Variants in MON2 observed in about 807,000 individuals in gnomAD.
The protein encoded by MON2 is MON2 regulator of endosome-to-Golgi trafficking.
MON2 carries 84 observed loss-of-function variants against 208.6 expected under a neutral mutation model. The ratio of observed to expected loss-of-function variants is 0.40; its 90% CI spans 0.34 to 0.48. MON2 has a LOEUF of 0.48. MON2 is among the 20% of genes least tolerant of loss of function. The pLI is 0.59. For missense variants in MON2, 1,611 were observed against 2,015.4 expected (o/e 0.80, Z 3.84); for synonymous variants, 660 against 694.0 (o/e 0.95, Z 0.77).
Position 62,535,555 on chromosome 12 carries a change from A to G in MON2, c.1746A>G (p.Leu582=). 2 of 1,609,588 alleles carry G rather than the reference A, an allele frequency of 1.2e-6. No individual in the cohort carries two copies. The highest frequency in any genetic ancestry group is 3.3e-4 in the Middle Eastern group (2 of 6,040). The change falls in exon 14 of 35, where the codon TTA becomes TTG. Residue 582 remains leucine, a synonymous_variant. Transcript: ENST00000393630. ...STDEAATENI[L]KAELTMAALC... ...ATGAAGCTGCCACTGAGAATATTTT[A>G]AAAGCTGAACTGACTATGGCTGCTC...
intron 1 of MON2, among the ~76,000 whole-genome samples, chr12:62,471,404 G>C (rs1326008066): frequency 6.6e-6 from 1 of 152,010 alleles, no homozygotes; most frequent in Non-Finnish European, 1.5e-5. Context: ...GCCTAGTCTC[G>C]AACTCCTGAC....
chr12:62,542,389 G>A (rs1030611203), intron 19 of MON2, among the ~76,000 whole-genome samples: 6 of 152,086 alleles, frequency 3.9e-5, no homozygotes, highest in African/African-American at 1.4e-4. Context: ...CTAAGACAAT[G>A]TCTCTGTTTG....
chr12:62,532,494 C>G lies in MON2; in HGVS notation c.1457C>G (p.Ser486Cys). The G allele has an allele frequency of 1.2e-6, 2 of 1,614,160 alleles. No individual in the cohort carries two copies. The highest frequency in any genetic ancestry group is 1.7e-6 in the Non-Finnish European group (2 of 1,180,002). The change falls in exon 12 of 35, where the codon TCT (serine) becomes TGT (cysteine). Residue 486 changes from serine to cysteine, a missense_variant. By Grantham distance (112) the Ser-to-Cys change is moderately radical (BLOSUM62 -1). Transcript: ENST00000393630. ...ACTATACCTGAAGGTTACGCCATGT[C>G]TGTGGCATTCCATTGTTTGCTAGAC... Reference protein sequence around the residue: ...PPTIPEGYAMSVAFHCLLDLV... With the variant: ...PPTIPEGYAMCVAFHCLLDLV...
In MON2 at chr12:62,532,469, A is replaced by C; in HGVS notation, c.1432A>C (p.Thr478Pro). Reference sequence around the variant, plus strand: ...AATGTTGGACAAAGTTGAGCCTCCAACTATACCTGAAGGTTACGCCATGTC... The same window carrying C: ...AATGTTGGACAAAGTTGAGCCTCCACCTATACCTGAAGGTTACGCCATGTC... ...LEMLDKVEPP[T>P]IPEGYAMSVA... Residue 478 changes from threonine to proline, a missense_variant, in exon 12 of 35, where the codon ACT becomes CCT. By Grantham distance (38) the Thr-to-Pro change is conservative (BLOSUM62 -1). Coordinates refer to ENST00000393630, the MANE Select transcript of MON2 (RefSeq NM_015026.3). 1 of 1,614,102 alleles carries C rather than the reference A, an allele frequency of 6.2e-7. No individual in the cohort carries two copies. The highest frequency in any genetic ancestry group is 1.1e-5 in the South Asian group (1 of 91,082).
chr12:62,528,271 G>A (rs2072442325), intron 11 of MON2, among the ~76,000 whole-genome samples: 1 of 152,150 alleles, frequency 6.6e-6, no homozygotes, highest in African/African-American at 2.4e-5. Context: ...GAAGGCATAT[G>A]TATACATCTT....
intron 8 of MON2, among the ~76,000 whole-genome samples, chr12:62,516,966 A>G (rs995940682): frequency 6.6e-6 from 1 of 152,224 alleles, no homozygotes; most frequent in Non-Finnish European, 1.5e-5. Flanking sequence ...TGGAAAGTCA[A>G]CAGGATAGGA....
At position 62,525,183 on chromosome 12, in the gene MON2, C is replaced by G. The variant is rs781126846; in HGVS notation, c.1209C>G (p.Val403=). The stretch of plus-strand genomic sequence containing the variant: ...CTTTTATACAGTCCTTGTTTCTTGT[C>G]CCCCCTACTGGAAATCCTGCAACAA... ...LGSFIQSLFL[V]PPTGNPATSN... is the part of the protein sequence containing the mutation. The change falls in exon 10 of 35, where the codon GTC becomes GTG. Residue 403 remains valine, a synonymous_variant. Transcript: ENST00000393630. The G allele has an allele frequency of 1.2e-6, 2 of 1,613,058 alleles. No individual in the cohort carries two copies. The highest frequency in any genetic ancestry group is 4.5e-5 in the East Asian group (2 of 44,820).
At chr12:62,589,604 T>C (rs1425759532) in intron 34 of MON2, among the ~76,000 whole-genome samples, 2 of 152,046 alleles carry the variant, frequency 1.3e-5, no homozygotes, top group Non-Finnish European at 2.9e-5. Context: ...AGTTCAGATT[T>C]GGGTTTTCTT....
chr12:62,497,095 G>C (rs937552131), intron 4 of MON2, among the ~76,000 whole-genome samples: 1 of 139,222 alleles, frequency 7.2e-6, no homozygotes, highest in Non-Finnish European at 1.5e-5. Context: ...CTCATAGGTG[G>C]GAATTGAACA....
chr12:62,534,584 A>ATATATTTTAT (rs2072875645), intron 12 of MON2, among the ~76,000 whole-genome samples: 3 of 134,190 alleles, frequency 2.2e-5, no homozygotes, highest in East Asian at 2.1e-4. Context: ...ATATATATAT[A>ATATATTTTAT]AAATTTAACG....
chr12:62,536,628 A>AAAATTACTT (rs1419804842), intron 14 of MON2, among the ~76,000 whole-genome samples: 6 of 152,122 alleles, frequency 3.9e-5, no homozygotes, highest in Non-Finnish European at 7.4e-5. Context: ...TGTTGTATAG[A>AAAATTACTT]AAATTACTTA....
rs971190573 is a variant in MON2, at chr12:62,594,522, G to C, written c.*1773G>C. The C allele has an allele frequency of 1.3e-5, 2 of 152,068 alleles. No homozygotes were observed. The highest frequency in any genetic ancestry group is 4.8e-5 in the African/African-American group (2 of 41,414). 9.4% of individuals were successfully genotyped at this position (152,068 alleles called of 1,614,324 possible). On this transcript the variant is annotated 3_prime_UTR_variant, in exon 35 of 35. Transcript: ENST00000393630. ...TTTCTATATTTGGGTGTGTTAAATTGAGGATTAGAAAAATCCACATAATCA... is the reference window on the plus strand; with the variant it reads ...TTTCTATATTTGGGTGTGTTAAATTCAGGATTAGAAAAATCCACATAATCA...
In MON2 at chr12:62,566,031, G is replaced by A. The variant is rs146625340; in HGVS notation, c.4194G>A (p.Pro1398=). 8.1e-6 allele frequency: 13 copies of A among 1,610,400 alleles called. No homozygotes were observed. Among genetic ancestry groups the A allele is most frequent in the Non-Finnish European group, 1.0e-5 (12 of 1,178,046 alleles). ...CACAATAGATCCAACTATTTGCACC[G>A]GTGAGTTAAATTTCCTAAAATTGTC... is the stretch of plus-strand genomic sequence containing the variant. ...AKYNQIQLFA[P]AEWVALNYVP... The change falls in exon 28 of 35, where the codon CCG becomes CCA. Residue 1398 remains proline, a splice_region_variant and synonymous_variant. Transcript: ENST00000393630.
intron 8 of MON2, among the ~76,000 whole-genome samples, chr12:62,513,949 CA>C (rs1173900059): frequency 4.3e-4 from 57 of 132,932 alleles, no homozygotes; most frequent in South Asian, 7.1e-4. Flanking sequence ...GACTCCATCT[CA>C]AAAAAAAAAA....
intron 8 of MON2, among the ~76,000 whole-genome samples, chr12:62,515,222 G>A (rs748759938): frequency 6.6e-6 from 1 of 152,162 alleles, no homozygotes; most frequent in Non-Finnish European, 1.5e-5. Flanking sequence ...ATAGCCAAGA[G>A]GTGAAAGCAG....
At chr12:62,588,841 T>C (rs1196559563) in intron 34 of MON2, 1 of 1,425,644 alleles carries the variant, frequency 7.0e-7, no homozygotes, top group Non-Finnish European at 9.4e-7. Context: ...ACCTTTTGTT[T>C]ATTTCATTAT....
At chr12:62,544,418 A>G (rs989033771) in intron 20 of MON2, among the ~76,000 whole-genome samples, 2 of 152,134 alleles carry the variant, frequency 1.3e-5, no homozygotes, top group Admixed American at 1.3e-4. Context: ...TGCATTCCAG[A>G]CTGAGTAACA....
In MON2 at chr12:62,534,829, G is replaced by GTT. The variant is rs747116099; in HGVS notation, c.1634-10_1634-9dup. The GTT allele has an allele frequency of 6.3e-7, 1 of 1,583,782 alleles. No individual in the cohort carries two copies. Among genetic ancestry groups the GTT allele is most frequent in the Non-Finnish European group, 8.7e-7 (1 of 1,154,186 alleles). On this transcript the variant is annotated splice_polypyrimidine_tract_variant and intron_variant, in intron 12 of 34. Coordinates refer to ENST00000393630, the MANE Select transcript of MON2 (RefSeq NM_015026.3). ...CTATAATTAAAATTAAATATTGTATGTTTTTTTCCTTTAAGTTAGTAGGGC... is the reference window on the plus strand; with the variant it reads ...CTATAATTAAAATTAAATATTGTATGTTTTTTTTTCCTTTAAGTTAGTAGGGC...
At position 62,538,169 on chromosome 12, in the gene MON2, C is replaced by T; in HGVS notation, c.2192C>T (p.Pro731Leu). ...AAACCTGGGAGAGCTGTAGAAGGAC[C>T]CAGTACAGTAAGCTCTAGTCTTTCT... ...ALKPGRAVEG[P>L]STVLTTAVMT... The change falls in exon 17 of 35, where the codon CCC becomes CTC. Residue 731 changes from proline (P) to leucine (L), a missense_variant. Coordinates refer to ENST00000393630, the MANE Select transcript of MON2 (RefSeq NM_015026.3). 1 of 1,613,384 alleles carries T rather than the reference C, an allele frequency of 6.2e-7. No individual in the cohort carries two copies. Among genetic ancestry groups the T allele is most frequent in the East Asian group, 2.2e-5 (1 of 44,836 alleles).
Sources: allele counts gnomAD v4.1 joint callset (sites outside exome capture counted in the v4.1 genomes callset), GRCh38; gene constraint gnomAD v4.1.1; transcripts MANE v1.5; gene names NCBI Gene and HGNC (gene_info 2026-07-23, HGNC 2026-07-21).